RHOJ: variants seen among roughly 807,000 people sequenced by gnomAD.
RHOJ encodes ras homolog family member J, also known as rho-related GTP-binding protein RhoJ.
Under a neutral mutation model 23.4 loss-of-function variants are expected in RHOJ, and 11 were observed. The ratio of observed to expected loss-of-function variants is 0.47; its 90% CI spans 0.30 to 0.78. RHOJ has a LOEUF of 0.78. Ranked by LOEUF, RHOJ falls within the 30% of genes least tolerant of loss-of-function variation. The probability of loss-of-function intolerance (pLI) is 0.08; values close to 1 mark genes in which losing one functional copy is unlikely to be tolerated. For synonymous variants in RHOJ, 102 were observed against 102.7 expected (o/e 0.99, Z 0.04); for missense variants, 254 against 273.4 (o/e 0.93, Z 0.50).
chr14:63,278,309 A>G (rs1440253853), intron 2 of RHOJ, among the ~76,000 whole-genome samples: 1 of 152,226 alleles, frequency 6.6e-6, no homozygotes, highest in Non-Finnish European at 1.5e-5. Context: ...TAGCTAAACA[A>G]TAGATCAATG....
Position 63,261,841 on chromosome 14 carries a change from C to A in RHOJ, c.179-7269C>A, listed in dbSNP as rs77968043. Among the ~76,000 whole-genome samples, 929 of 152,288 alleles carry A rather than the reference C, an allele frequency of 6.1e-3. 17 individuals carry two copies. The highest frequency in any genetic ancestry group is 0.021 in the African/African-American group (882 of 41,548). On this transcript the variant is annotated intron_variant, in intron 1 of 4. Transcript: ENST00000316754. ...TTCACTCACCAATGAGTTAATAAAT[C>A]TTTGACGTGCTCATCCTATATTCGC... is the stretch of plus-strand genomic sequence containing the variant.
At chr14:63,239,359 G>C (rs928339153) in intron 1 of RHOJ, among the ~76,000 whole-genome samples, 1 of 151,892 alleles carries the variant, frequency 6.6e-6, no homozygotes, top group Non-Finnish European at 1.5e-5. Flanking sequence ...TGATCCGCCC[G>C]CCTCAGCCTC....
intron 1 of RHOJ, among the ~76,000 whole-genome samples, chr14:63,227,131 T>C (rs1372547756): frequency 6.6e-6 from 1 of 152,136 alleles, no homozygotes. Context: ...TTTGTATTTT[T>C]AGTAGGGACG....
chr14:63,291,214 C>G lies in RHOJ; in HGVS notation c.*190C>G. ...CCCACTGCCACGACCTCCCTGCCAG[C>G]CAGAAGCATCCGTACTGCACGCTGT... On this transcript the variant is annotated 3_prime_UTR_variant, in exon 5 of 5. Transcript: ENST00000316754. 1.5e-6 allele frequency: 1 copy of G among 665,152 alleles called. No individual in the cohort carries two copies. Among genetic ancestry groups the G allele is most frequent in the Non-Finnish European group, 2.7e-6 (1 of 369,608 alleles). The allele number at this position is 665,152 out of a possible 1,614,324, so 41.2% of individuals were successfully genotyped here.
At chr14:63,288,072 C>A in intron 4 of RHOJ, 1 of 604,188 alleles carries the variant, frequency 1.7e-6, no homozygotes, top group Non-Finnish European at 2.1e-6. Flanking sequence ...GTTTCTCACA[C>A]GTGTTTCCCA....
chr14:63,254,349 A>T (rs1321434545), intron 1 of RHOJ, among the ~76,000 whole-genome samples: 1 of 152,036 alleles, frequency 6.6e-6, no homozygotes, highest in Non-Finnish European at 1.5e-5. Flanking sequence ...AAGACTCCAC[A>T]ACTCACTTCC....
chr14:63,286,506 A>G (rs1882087018), intron 4 of RHOJ, among the ~76,000 whole-genome samples: 1 of 152,250 alleles, frequency 6.6e-6, no homozygotes, highest in Non-Finnish European at 1.5e-5. Context: ...GGCATCCTTT[A>G]AAGCATAGGG....
chr14:63,259,414 TC>T, intron 1 of RHOJ, among the ~76,000 whole-genome samples: 1 of 152,326 alleles, frequency 6.6e-6, no homozygotes, highest in Non-Finnish European at 1.5e-5. Flanking sequence ...ATTAAGTGCA[TC>T]CTTTCACCAG....
intron 1 of RHOJ, among the ~76,000 whole-genome samples, chr14:63,221,782 T>G (rs1218016482): frequency 6.6e-6 from 1 of 152,184 alleles, no homozygotes; most frequent in Non-Finnish European, 1.5e-5. Flanking sequence ...AGCCTGGTGT[T>G]GTGGTGGATC....
chr14:63,211,509 A>G (rs1894238401), intron 1 of RHOJ, among the ~76,000 whole-genome samples: 1 of 152,220 alleles, frequency 6.6e-6, no homozygotes, highest in South Asian at 2.1e-4. Flanking sequence ...TTATTTACTT[A>G]TAGAGTATAT....
In RHOJ at chr14:63,290,998, G is replaced by T; in HGVS notation, c.619G>T (p.Gly207Cys). The T allele has an allele frequency of 6.2e-7, 1 of 1,614,126 alleles. No homozygotes were observed. Among genetic ancestry groups the T allele is most frequent in the South Asian group, 1.1e-5 (1 of 91,080 alleles). The change falls in exon 5 of 5, where the codon GGT (glycine) becomes TGT (cysteine). Residue 207 changes from glycine to cysteine, a missense_variant. Physicochemically the swap from Gly to Cys is radical, Grantham distance 159. Transcript: ENST00000316754. ...PKKKKKRCSE[G>C]HSCCSII ...GAAAAAGAAGAAACGCTGTTCTGAGGGTCACAGCTGCTGTTCAATTATCTG... is the reference window on the plus strand; with the variant it reads ...GAAAAAGAAGAAACGCTGTTCTGAGTGTCACAGCTGCTGTTCAATTATCTG...
chr14:63,238,052 AT>A (rs1282708815), intron 1 of RHOJ, among the ~76,000 whole-genome samples: 1 of 152,226 alleles, frequency 6.6e-6, no homozygotes, highest in Non-Finnish European at 1.5e-5. Context: ...CTTGGCCTTG[AT>A]TTCCACCAGC....
intron 1 of RHOJ, among the ~76,000 whole-genome samples, chr14:63,215,807 T>C (rs986391717): frequency 2.0e-5 from 3 of 152,182 alleles, no homozygotes; most frequent in East Asian, 3.8e-4. Context: ...CTAGAATATA[T>C]AATTCCTGAA....
At chr14:63,221,581 A>G (rs959200073) in intron 1 of RHOJ, among the ~76,000 whole-genome samples, 2 of 152,250 alleles carry the variant, frequency 1.3e-5, no homozygotes, top group African/African-American at 4.8e-5. Context: ...CGGATTCCCC[A>G]GTGATGAGAA....
intron 1 of RHOJ, among the ~76,000 whole-genome samples, chr14:63,243,301 C>T (rs1239938964): frequency 1.3e-5 from 2 of 152,094 alleles, no homozygotes; most frequent in Non-Finnish European, 2.9e-5. Context: ...TATTCCCATG[C>T]TGTTTGGAAT....
At chr14:63,231,668 T>C (rs147669790) in intron 1 of RHOJ, among the ~76,000 whole-genome samples, 82 of 152,352 alleles carry the variant, frequency 5.4e-4, no homozygotes, top group African/African-American at 1.9e-3. Flanking sequence ...TCTTCATGTA[T>C]GAAATGAGGA....
intron 4 of RHOJ, among the ~76,000 whole-genome samples, chr14:63,285,938 T>C (rs8007258): frequency 0.074 from 11,315 of 152,258 alleles, 1,299 homozygotes; most frequent in African/African-American, 0.25. Flanking sequence ...CATTTTTTCT[T>C]TTTTAATCTC....
intron 1 of RHOJ, among the ~76,000 whole-genome samples, chr14:63,233,203 T>C (rs1594758563): frequency 6.6e-6 from 1 of 152,108 alleles, no homozygotes; most frequent in East Asian, 1.9e-4. Context: ...AGCATGGCCT[T>C]TGAGCTCACG....
chr14:63,250,312 A>G (rs926804), intron 1 of RHOJ, among the ~76,000 whole-genome samples: 53,652 of 151,932 alleles, frequency 0.35, 10,548 homozygotes, highest in East Asian at 0.55. Context: ...TGGCCCGAAC[A>G]TGGCTCACTG....
Sources: allele counts gnomAD v4.1 joint callset (sites outside exome capture counted in the v4.1 genomes callset), GRCh38; gene constraint gnomAD v4.1.1; transcripts MANE v1.5; gene names NCBI Gene and HGNC (gene_info 2026-07-23, HGNC 2026-07-21).